Variants in ZNF184 observed in about 807,000 individuals in gnomAD.
ZNF184 encodes zinc finger protein 184, also known as zinc finger protein 184 (Kruppel-like).
A neutral mutation model predicts 54.4 loss-of-function variants in ZNF184; 16 were observed. The ratio of observed to expected loss-of-function variants is 0.29; its 90% CI spans 0.20 to 0.45. The LOEUF is 0.45. Ranked by LOEUF, ZNF184 falls within the 20% of genes least tolerant of loss-of-function variation. ZNF184 has a pLI of 1.00. For missense variants in ZNF184, 681 were observed against 888.2 expected (o/e 0.77, Z 2.97); for synonymous variants, 254 against 295.3 (o/e 0.86, Z 1.43).
the ZNF184 span, among the ~76,000 whole-genome samples, chr6:27,423,955 AATT>A: frequency 6.8e-4 from 103 of 152,274 alleles, no homozygotes; most frequent in African/African-American, 2.5e-3. Flanking sequence ...AACATTGTAA[AATT>A]ATTTTATTAG....
chr6:27,417,377 C>A, the ZNF184 span, among the ~76,000 whole-genome samples: 1 of 151,458 alleles, frequency 6.6e-6, no homozygotes, highest in Admixed American at 6.6e-5. Context: ...TCTCTCTAGA[C>A]AATTCTGGTT....
At chr6:27,442,737 A>AGGAAGGAAGGAG in the ZNF184 span, among the ~76,000 whole-genome samples, 78 of 133,466 alleles carry the variant, frequency 5.8e-4, 3 homozygotes, top group South Asian at 8.4e-3. Flanking sequence ...GAAGGAAGGA[A>AGGAAGGAAGGAG]GGAGGGAGGG....
the ZNF184 span, among the ~76,000 whole-genome samples, chr6:27,422,180 GA>G: frequency 3.6e-5 from 1 of 27,644 alleles, no homozygotes; most frequent in Non-Finnish European, 9.2e-5. Context: ...AAGAAAGAAA[GA>G]AAGAAAGAAA....
rs770566903 is a variant in ZNF184 at position 27,452,066 on chromosome 6, C to G, written c.1493G>C (p.Arg498Thr). The change falls in exon 6 of 6, where the codon AGA becomes ACA. Residue 498 changes from arginine (R) to threonine (T), a missense_variant. Transcript: ENST00000683788. This position sits in a 1 kb window ranked among gnomAD's most constrained non-coding sequence, Gnocchi z 5.5. Reference sequence around the variant, plus strand: ...TTCACTGCATTCAAAGGGCTTTTCTCTCGTGTGAATTCTCCGATGTTGAGT... The same window carrying G: ...TTCACTGCATTCAAAGGGCTTTTCTGTCGTGTGAATTCTCCGATGTTGAGT... ...SLTQHRRIHT[R>T]EKPFECSECG... 9 of 1,613,894 alleles carry G rather than the reference C, an allele frequency of 5.6e-6. No homozygotes were observed. The Admixed American group carries it at 1.0e-4, about 18-fold the overall frequency.
downstream of ZNF184, among the ~76,000 whole-genome samples, chr6:27,450,365 C>A (rs55808544): frequency 0.011 from 1,712 of 152,050 alleles, 35 homozygotes; most frequent in African/African-American, 0.039. Context: ...GGAGGGGGGC[C>A]TTTGGGAGGT....
chr6:27,468,154 T>A (rs1281696810), intron 2 of ZNF184, among the ~76,000 whole-genome samples: 1 of 152,226 alleles, frequency 6.6e-6, no homozygotes, highest in Non-Finnish European at 1.5e-5. Context: ...TTAGAAGTCA[T>A]ATGTATTATA....
At chr6:27,468,549 T>A (rs1011812471) in intron 2 of ZNF184, among the ~76,000 whole-genome samples, 4 of 152,184 alleles carry the variant, frequency 2.6e-5, no homozygotes, top group Admixed American at 2.6e-4. Flanking sequence ...AATGCTTATA[T>A]CCACCAAAGA....
At chr6:27,410,694 G>C in the ZNF184 span, among the ~76,000 whole-genome samples, 2 of 152,048 alleles carry the variant, frequency 1.3e-5, no homozygotes, top group African/African-American at 2.4e-5. Flanking sequence ...ACCACGCCCG[G>C]CTAATTTTTG....
chr6:27,458,710 A>G (rs1321088983), intron 3 of ZNF184, among the ~76,000 whole-genome samples: 1 of 152,188 alleles, frequency 6.6e-6, no homozygotes, highest in Admixed American at 6.5e-5. Flanking sequence ...CATATGATCC[A>G]GCAATCCCGC....
At chr6:27,419,039 T>C in the ZNF184 span, among the ~76,000 whole-genome samples, 1 of 152,136 alleles carries the variant, frequency 6.6e-6, no homozygotes, top group African/African-American at 2.4e-5. The surrounding 1 kb of genome is among the most constrained non-coding windows in gnomAD (Gnocchi z 4.8). Context: ...AGTAAGGCGA[T>C]GAACTTTTTT....
the ZNF184 span, among the ~76,000 whole-genome samples, chr6:27,431,902 C>T: frequency 1.3e-5 from 2 of 152,152 alleles, no homozygotes; most frequent in African/African-American, 4.8e-5. Context: ...TCCACACACA[C>T]TAAAGGAGTA....
chr6:27,413,223 C>T, the ZNF184 span, among the ~76,000 whole-genome samples: 1 of 152,100 alleles, frequency 6.6e-6, no homozygotes, highest in African/African-American at 2.4e-5. Context: ...CGTGCCATTG[C>T]ACTCCAGCCT....
the ZNF184 span, chr6:27,405,256 T>C: frequency 6.6e-6 from 1 of 152,214 alleles, no homozygotes; most frequent in East Asian, 1.9e-4. Flanking sequence ...GGCATTGTTA[T>C]CATAGGAGAT....
At position 27,472,231 on chromosome 6, in the gene ZNF184, G is replaced by C; in HGVS notation, c.7+57C>G. On this transcript the variant is annotated intron_variant, in intron 2 of 5. Transcript: ENST00000683788. This position sits in a 1 kb window ranked among gnomAD's most constrained non-coding sequence, Gnocchi z 4.8. ...CTGATCTCAAGTATTTGATACTCCA[G>C]TCATGACTGTTCTCAAGCCTCCATC... is the stretch of plus-strand genomic sequence containing the variant. 1 of 1,610,890 alleles carries C rather than the reference G, an allele frequency of 6.2e-7. No individual in the cohort carries two copies.
the ZNF184 span, among the ~76,000 whole-genome samples, chr6:27,434,341 T>C: frequency 2.0e-5 from 3 of 152,212 alleles, no homozygotes; most frequent in Non-Finnish European, 4.4e-5. Flanking sequence ...CACTTGCTAT[T>C]TTCCTTTGCT....
the ZNF184 span, among the ~76,000 whole-genome samples, chr6:27,445,188 C>A: frequency 0.59 from 89,810 of 151,936 alleles, 26,886 homozygotes; most frequent in Middle Eastern, 0.74. Flanking sequence ...ATTGCCTCCA[C>A]CTGGAAACAA....
At chr6:27,462,693 T>A (rs1345742450) in intron 3 of ZNF184, among the ~76,000 whole-genome samples, 4 of 150,584 alleles carry the variant, frequency 2.7e-5, no homozygotes, top group African/African-American at 7.3e-5. Context: ...CAAAACGCTG[T>A]CTCTACTAAA....
At chr6:27,406,060 C>T in the ZNF184 span, 1 of 152,194 alleles carries the variant, frequency 6.6e-6, no homozygotes, top group Non-Finnish European at 1.5e-5. Context: ...GTTAACATAA[C>T]ATCATTAATA....
the ZNF184 span, among the ~76,000 whole-genome samples, chr6:27,409,490 C>T: frequency 7.7e-6 from 1 of 129,124 alleles, no homozygotes; most frequent in African/African-American, 2.9e-5. Context: ...CAGAGTGAGA[C>T]TCCGTCTCAA....
Sources: allele counts gnomAD v4.1 joint callset (sites outside exome capture counted in the v4.1 genomes callset), GRCh38; gene constraint gnomAD v4.1.1; non-coding constraint Gnocchi (gnomAD v3.1); transcripts MANE v1.5; gene names NCBI Gene and HGNC (gene_info 2026-07-23, HGNC 2026-07-21).